The following RERE variants were observed in gnomAD, a reference collection of about 807,000 sequenced individuals.
The protein encoded by RERE is arginine-glutamic acid dipeptide repeats protein.
A neutral mutation model predicts 146.1 loss-of-function variants in RERE; 40 were observed. The observed-to-expected ratio is 0.27, with a 90% CI of 0.21 to 0.36. The LOEUF is 0.36. RERE is among the 10% of genes least tolerant of loss of function. RERE has a pLI of 1.00. For missense variants in RERE, 1,933 were observed against 2,138.7 expected (o/e 0.90, Z 1.90); for synonymous variants, 1,003 against 866.0 (o/e 1.16, Z -2.78).
intron 2 of RERE, among the ~76,000 whole-genome samples, chr1:8,652,983 G>A (rs1027401154): frequency 5.9e-5 from 9 of 152,258 alleles, no homozygotes; most frequent in South Asian, 4.1e-4. Flanking sequence ...AAAAGCACAC[G>A]CCACTGTGCC....
At chr1:8,638,344 T>C (rs1035892761) in intron 2 of RERE, among the ~76,000 whole-genome samples, 1 of 152,214 alleles carries the variant, frequency 6.6e-6, no homozygotes, top group Non-Finnish European at 1.5e-5. Flanking sequence ...ACTGCCAGTA[T>C]TGCTGTGCTT....
rs533447972 is a variant in RERE at position 8,577,750 on chromosome 1, T to A, written c.523-20227A>T. On this transcript the variant is annotated intron_variant, in intron 4 of 22. Coordinates refer to ENST00000400908, the MANE Select transcript of RERE (RefSeq NM_001042681.2). ...CCCTAGAATCAAAATAGCTTATCACTACATCTTATTCATTGTGAGATATAC... is the reference window on the plus strand; with the variant it reads ...CCCTAGAATCAAAATAGCTTATCACAACATCTTATTCATTGTGAGATATAC... Among the ~76,000 whole-genome samples the A allele has an allele frequency of 5.3e-5, 8 of 152,318 alleles. No homozygotes were observed. The South Asian group carries it at 1.5e-3, about 28-fold the overall frequency.
chr1:8,489,439 T>C (rs1310725007), intron 10 of RERE, among the ~76,000 whole-genome samples: 1 of 151,816 alleles, frequency 6.6e-6, no homozygotes, highest in Non-Finnish European at 1.5e-5. Flanking sequence ...CCAATACATA[T>C]ATCAAAGGAC....
At chr1:8,706,942 T>C (rs1639571387) in intron 1 of RERE, among the ~76,000 whole-genome samples, 1 of 152,238 alleles carries the variant, frequency 6.6e-6, no homozygotes, top group Non-Finnish European at 1.5e-5. Flanking sequence ...AGAATAATTA[T>C]GTAAGATAAA....
intron 1 of RERE, among the ~76,000 whole-genome samples, chr1:8,694,298 A>G (rs1639273173): frequency 6.6e-6 from 1 of 152,238 alleles, no homozygotes; most frequent in African/African-American, 2.4e-5. Context: ...TACAAAGTCA[A>G]TGTACAAAAC....
intron 4 of RERE, among the ~76,000 whole-genome samples, chr1:8,573,329 C>G (rs1443619338): frequency 6.6e-6 from 1 of 152,030 alleles, no homozygotes; most frequent in Non-Finnish European, 1.5e-5. Flanking sequence ...CATGCTTTTA[C>G]TTAATATATA....
At chr1:8,612,709 A>G (rs1318416654) in intron 4 of RERE, among the ~76,000 whole-genome samples, 1 of 152,240 alleles carries the variant, frequency 6.6e-6, no homozygotes, top group Non-Finnish European at 1.5e-5. Flanking sequence ...AGAAAATATC[A>G]GCCTGAAAGT....
intron 1 of RERE, among the ~76,000 whole-genome samples, chr1:8,683,650 A>T (rs1261393425): frequency 6.6e-6 from 1 of 152,198 alleles, no homozygotes; most frequent in African/African-American, 2.4e-5. Flanking sequence ...TTTATTTTTA[A>T]AAAATAAATT....
At chr1:8,585,146 CAA>C (rs3082123) in intron 4 of RERE, among the ~76,000 whole-genome samples, 7 of 130,084 alleles carry the variant, frequency 5.4e-5, no homozygotes, top group Non-Finnish European at 3.2e-5. Flanking sequence ...GACTCCATCT[CAA>C]AAAAAAAAAA....
intron 10 of RERE, among the ~76,000 whole-genome samples, chr1:8,470,979 G>T (rs1165902672): frequency 6.6e-6 from 1 of 151,248 alleles, no homozygotes; most frequent in African/African-American, 2.4e-5. Flanking sequence ...ACCACACCCA[G>T]CTAATTTTTG....
intron 1 of RERE, among the ~76,000 whole-genome samples, chr1:8,672,014 A>C (rs2124375580): frequency 6.6e-6 from 1 of 152,218 alleles, no homozygotes; most frequent in East Asian, 1.9e-4. Flanking sequence ...TCATCCCTAA[A>C]ATTCTATCTA....
intron 7 of RERE, among the ~76,000 whole-genome samples, chr1:8,516,202 G>A (rs1645412475): frequency 9.1e-6 from 1 of 110,466 alleles, no homozygotes; most frequent in Non-Finnish European, 1.7e-5. Flanking sequence ...TCCAGCCTGG[G>A]GGACGGAGCA....
In RERE at chr1:8,542,388, C is replaced by T. The variant is rs547055268; in HGVS notation, c.726-1070G>A. ...ACTCCATGAGTATGCACGGTAACAA[C>T]ATACACACCAGCTAATGGCCACAGT... On this transcript the variant is annotated intron_variant, in intron 6 of 22. Coordinates refer to ENST00000400908, the MANE Select transcript of RERE (RefSeq NM_001042681.2). 2.0e-5 allele frequency among the ~76,000 whole-genome samples: 3 copies of T among 152,262 alleles called. No homozygotes were observed. In the South Asian group the frequency reaches 6.2e-4, roughly 32 times the overall value.
chr1:8,423,048 G>C lies in RERE; in HGVS notation c.1204-241C>G, dbSNP rs138307493. ...ACGCAGGGCAGCGCGTTTAAGAGAA[G>C]GACGTCCTGCGTCTGAGGCTAAGAA... On this transcript the variant is annotated intron_variant, in intron 11 of 22. Transcript: ENST00000400908. The surrounding 1 kb of genome is among the most constrained non-coding windows in gnomAD (Gnocchi z 5.4). 1.1e-3 allele frequency: 527 copies of C among 488,646 alleles called. 3 individuals carry two copies. The highest frequency in any genetic ancestry group is 8.9e-3 in the African/African-American group (464 of 52,064). 30.3% of individuals were successfully genotyped at this position (488,646 alleles called of 1,614,324 possible).
chr1:8,647,634 A>AATATGT (rs955859618), intron 2 of RERE, among the ~76,000 whole-genome samples: 3 of 91,892 alleles, frequency 3.3e-5, no homozygotes, highest in Non-Finnish European at 6.6e-5. Context: ...TTCTATTTAA[A>AATATGT]ATATGTATGT....
At chr1:8,574,463 G>A (rs1004362909) in intron 4 of RERE, among the ~76,000 whole-genome samples, 3 of 147,274 alleles carry the variant, frequency 2.0e-5, no homozygotes, top group Non-Finnish European at 4.5e-5. Flanking sequence ...TCCTGCCTCA[G>A]CCTCCCGAGT....
intron 1 of RERE, among the ~76,000 whole-genome samples, chr1:8,684,894 T>C (rs1175954255): frequency 6.6e-6 from 1 of 152,234 alleles, no homozygotes; most frequent in Non-Finnish European, 1.5e-5. Flanking sequence ...GATCTCACTC[T>C]GTGATCCAGG....
intron 4 of RERE, among the ~76,000 whole-genome samples, chr1:8,563,113 AAC>A (rs1646098283): frequency 6.6e-6 from 1 of 152,186 alleles, no homozygotes; most frequent in Non-Finnish European, 1.5e-5. Context: ...AGCAACACAC[AAC>A]ACAGTCTGCC....
At chr1:8,808,815 AG>A (rs1315536245) in intron 1 of RERE, among the ~76,000 whole-genome samples, 1 of 152,138 alleles carries the variant, frequency 6.6e-6, no homozygotes, top group African/African-American at 2.4e-5. Context: ...TCAAAATTTG[AG>A]GCTGGACCAA....
Sources: allele counts gnomAD v4.1 joint callset (sites outside exome capture counted in the v4.1 genomes callset), GRCh38; gene constraint gnomAD v4.1.1; non-coding constraint Gnocchi (gnomAD v3.1); transcripts MANE v1.5; gene names NCBI Gene and HGNC (gene_info 2026-07-23, HGNC 2026-07-21).